The following DRGX variants were observed in gnomAD, a reference collection of about 807,000 sequenced individuals.
The protein encoded by DRGX is dorsal root ganglia homeobox, also known as dorsal root ganglia homeobox protein.
In DRGX, 21 loss-of-function variants were observed where a neutral mutation model predicts 28.6. The observed-to-expected ratio is 0.73, with a 90% CI of 0.52 to 1.06. The LOEUF is 1.06. Among genes scored for constraint, DRGX ranks in the 50% least tolerant of loss-of-function variants. The pLI, the probability that DRGX is intolerant of heterozygous loss-of-function variation, is 0.00. For synonymous variants in DRGX, 136 were observed against 139.1 expected, an observed-to-expected ratio of 0.98 and a Z score of 0.16; for missense variants, 354 against 343.9, an observed-to-expected ratio of 1.03 and a Z score of -0.23.
chr10:49,392,449 T>G (rs76758420), intron 2 of DRGX, among the ~76,000 whole-genome samples: 2 of 152,254 alleles, frequency 1.3e-5, no homozygotes, highest in African/African-American at 4.8e-5. Context: ...CTCAAAACCT[T>G]AGTTACAGGT....
intron 6 of DRGX, among the ~76,000 whole-genome samples, chr10:49,385,929 A>G (rs973858844): frequency 6.6e-6 from 1 of 152,160 alleles, no homozygotes; most frequent in East Asian, 1.9e-4. Flanking sequence ...CCAAGGGCCA[A>G]TCCACAGAGG....
Position 49,379,482 on chromosome 10 carries a change from G to A in DRGX, c.526+6996C>T, listed in dbSNP as rs1365331789. On this transcript the variant is annotated intron_variant, in intron 6 of 6. Transcript: ENST00000374139. ...AGGAAAACATCGTTAAAGAAGAAGA[G>A]GGGAAAGATGGTTTTGGGGGGCCTC... Among the ~76,000 whole-genome samples the A allele has an allele frequency of 7.9e-5, 12 of 152,284 alleles. No homozygotes were observed. The East Asian group carries it at 1.9e-3, about 24-fold the overall frequency.
At position 49,371,400 on chromosome 10, in the gene DRGX, C is replaced by T. The variant is rs556499379; in HGVS notation, c.527-5019G>A. Among the ~76,000 whole-genome samples, 783 of 152,252 alleles carry T rather than the reference C, an allele frequency of 5.1e-3. 6 individuals carry two copies. The highest frequency in any genetic ancestry group is 0.027 in the Middle Eastern group (8 of 294). On this transcript the variant is annotated intron_variant, in intron 6 of 6. Transcript: ENST00000374139. The stretch of plus-strand genomic sequence containing the variant: ...AGGCACAGTGGCTCGCACCTGTATT[C>T]CCAGCACTTTGGGAGGCTGAGGTGG...
At chr10:49,377,205 C>T (rs1178936618) in intron 6 of DRGX, among the ~76,000 whole-genome samples, 1 of 152,210 alleles carries the variant, frequency 6.6e-6, no homozygotes, top group Non-Finnish European at 1.5e-5. Flanking sequence ...TCCTTCTTTT[C>T]CCAAACTGCA....
Position 49,366,033 on chromosome 10 carries a change from C to T in DRGX, c.*83G>A. ...CCCTGGGGCCGCAGGCTTCTCCTTG[C>T]TATTTGGAGAGTTTTCTGTAGGGGC... On this transcript the variant is annotated 3_prime_UTR_variant, in exon 7 of 7. Transcript: ENST00000374139. 2.8e-6 allele frequency: 4 copies of T among 1,448,426 alleles called. No homozygotes were observed. The highest frequency in any genetic ancestry group is 5.1e-5 in the Admixed American group (2 of 39,204). The allele number at this position is 1,448,426 out of a possible 1,614,324, so 89.7% of individuals were successfully genotyped here.
intron 6 of DRGX, among the ~76,000 whole-genome samples, chr10:49,375,657 C>T (rs1002471935): frequency 2.0e-5 from 3 of 152,130 alleles, no homozygotes; most frequent in African/African-American, 7.2e-5. Flanking sequence ...CCAACTCAGC[C>T]GACCATTCCA....
At chr10:49,393,867 G>A (rs187426953) in intron 2 of DRGX, among the ~76,000 whole-genome samples, 3 of 152,324 alleles carry the variant, frequency 2.0e-5, no homozygotes, top group South Asian at 2.1e-4. Context: ...TGGGGTCACC[G>A]CAGGCCAGGC....
chr10:49,392,629 T>G lies in DRGX; in HGVS notation c.35-1368A>C, dbSNP rs185674724. On this transcript the variant is annotated intron_variant, in intron 2 of 6. Coordinates refer to ENST00000374139, the MANE Select transcript of DRGX (RefSeq NM_001276451.2). ...TCACAATTTCGCTCAGTCTTCTAAT[T>G]TATACATCATGGTCCCAAAGTGGCT... 1.4e-3 allele frequency among the ~76,000 whole-genome samples: 214 copies of G among 152,318 alleles called. 1 individual carries two copies. The highest frequency in any genetic ancestry group is 5.1e-3 in the African/African-American group (211 of 41,570).
At chr10:49,377,518 G>A (rs749421563) in intron 6 of DRGX, among the ~76,000 whole-genome samples, 9 of 152,234 alleles carry the variant, frequency 5.9e-5, no homozygotes, top group Non-Finnish European at 8.8e-5. Context: ...TGCAGCAGCA[G>A]TGACACTGTA....
At chr10:49,385,139 G>C (rs973937721) in intron 6 of DRGX, among the ~76,000 whole-genome samples, 4 of 152,280 alleles carry the variant, frequency 2.6e-5, no homozygotes, top group Admixed American at 2.0e-4. Flanking sequence ...TCCCAATGTT[G>C]CTCTATGGGG....
chr10:49,383,159 C>T (rs77082251), intron 6 of DRGX, among the ~76,000 whole-genome samples: 2,057 of 152,324 alleles, frequency 0.014, 20 homozygotes, highest in Non-Finnish European at 0.022. Flanking sequence ...AGAGGTGCCA[C>T]GACTCACATA....
intron 6 of DRGX, among the ~76,000 whole-genome samples, chr10:49,369,581 G>A (rs554419118): frequency 3.9e-5 from 6 of 152,238 alleles, no homozygotes; most frequent in East Asian, 1.9e-4. Context: ...AGAATGACAC[G>A]GACCTGGGGC....
Position 49,391,310 on chromosome 10 carries a change from C to T in DRGX, c.35-49G>A, listed in dbSNP as rs781698619. 8 of 1,513,872 alleles carry T rather than the reference C, an allele frequency of 5.3e-6. No homozygotes were observed. In the South Asian group the frequency reaches 9.3e-5, roughly 18 times the overall value. The allele number at this position is 1,513,872 out of a possible 1,614,324, so 93.8% of individuals were successfully genotyped here. The stretch of plus-strand genomic sequence containing the variant: ...CTGGGCAGGAAGGGGCCCCAGTCCT[C>T]AGACCGCCCCCAGACACAGTTCAGA... On this transcript the variant is annotated intron_variant, in intron 2 of 6. Coordinates refer to ENST00000374139, the MANE Select transcript of DRGX (RefSeq NM_001276451.2).
chr10:49,370,224 G>A (rs962972575), intron 6 of DRGX, among the ~76,000 whole-genome samples: 5 of 152,096 alleles, frequency 3.3e-5, no homozygotes, highest in Non-Finnish European at 7.4e-5. Flanking sequence ...GACCAATATG[G>A]TGAAATCCCG....
At chr10:49,395,243 T>A (rs1849953565) in intron 2 of DRGX, among the ~76,000 whole-genome samples, 164 bp downstream of exon 2, 1 of 151,846 alleles carries the variant, frequency 6.6e-6, no homozygotes, top group African/African-American at 2.4e-5. Context: ...GGAGCGGGCC[T>A]GGAGTGGGGT....
rs201322873 is a variant in DRGX at position 49,391,207 on chromosome 10, C to A, written c.89G>T (p.Arg30Leu). ...SSGDFDDGFL[R>L]RKQRRNRTTF... The stretch of plus-strand genomic sequence containing the variant: ...CGTCCGGTTCCGGCGCTGTTTTCTA[C>A]GCAGAAACCCGTCATCAAAATCCCC... Residue 30 changes from arginine (R) to leucine (L), a missense_variant, in exon 3 of 7, where the codon CGT (arginine) becomes CTT (leucine). Arg to Leu is a moderately radical substitution (Grantham distance 102, BLOSUM62 -2). Transcript: ENST00000374139. 5 of 1,612,716 alleles carry A rather than the reference C, an allele frequency of 3.1e-6. No homozygotes were observed. The highest frequency in any genetic ancestry group is 4.2e-6 in the Non-Finnish European group (5 of 1,179,392).
At chr10:49,371,954 C>T (rs1656936262) in intron 6 of DRGX, among the ~76,000 whole-genome samples, 1 of 152,174 alleles carries the variant, frequency 6.6e-6, no homozygotes, top group African/African-American at 2.4e-5. Context: ...AGAAATGTGA[C>T]TGCTAGTGGC....
chr10:49,376,913 A>G (rs1160164892), intron 6 of DRGX, among the ~76,000 whole-genome samples: 4 of 151,572 alleles, frequency 2.6e-5, no homozygotes, highest in Non-Finnish European at 5.9e-5. Context: ...CATGACTGTC[A>G]CCTGAACTAG....
Position 49,386,563 on chromosome 10 carries a change from C to T in DRGX, c.441G>A (p.Gly147=), listed in dbSNP as rs758587817. ...QSLGRTVGPA[G]PFFPSCLPGT... is the part of the protein sequence containing the mutation. The stretch of plus-strand genomic sequence containing the variant: ...CCGGCAAGCAGGAGGGGAAGAAAGG[C>T]CCTGCAGGACCTACCGTTCGCCCCA... Residue 147 remains glycine, a synonymous_variant, in exon 6 of 7, where the codon GGG becomes GGA. Coordinates refer to ENST00000374139, the MANE Select transcript of DRGX (RefSeq NM_001276451.2). 5.7e-6 allele frequency: 9 copies of T among 1,590,592 alleles called. No individual in the cohort carries two copies. The highest frequency in any genetic ancestry group is 4.6e-5 in the East Asian group (2 of 43,602).
Sources: gnomAD v4.1 joint callset for allele counts (sites outside exome capture counted in the v4.1 genomes callset) on GRCh38, gnomAD v4.1.1 for gene constraint, MANE v1.5 for transcripts, NCBI Gene and HGNC (gene_info 2026-07-23, HGNC 2026-07-21) for gene names.